ZSCAN4: variants seen among roughly 807,000 people sequenced by gnomAD.
The protein encoded by ZSCAN4 is zinc finger and SCAN domain-containing protein 4.
Under a neutral mutation model 18.3 loss-of-function variants are expected in ZSCAN4, and 18 were observed. That is an observed-to-expected ratio of 0.98 (90% confidence interval 0.68 to 1.46). The LOEUF (loss-of-function observed/expected upper bound fraction) is 1.46. Ranked by LOEUF, ZSCAN4 falls within the 40% of genes most tolerant of loss-of-function variation. The pLI is 0.00. For missense variants in ZSCAN4, 498 were observed against 511.4 expected (o/e 0.97, Z 0.25); for synonymous variants, 193 against 180.3 (o/e 1.07, Z -0.57).
At chr19:57,659,865 G>T in the ZSCAN4 span, among the ~76,000 whole-genome samples, 2 of 152,004 alleles carry the variant, frequency 1.3e-5, no homozygotes, top group African/African-American at 4.8e-5. Context: ...CCTACATAGG[G>T]TGCTCCTCAG....
upstream of ZSCAN4, among the ~76,000 whole-genome samples, chr19:57,668,003 G>C (rs1212100945): frequency 6.6e-6 from 1 of 152,112 alleles, no homozygotes; most frequent in Non-Finnish European, 1.5e-5. Context: ...CCAGGTTCAA[G>C]TGATTCTCCT....
chr19:57,656,083 C>G, the ZSCAN4 span, among the ~76,000 whole-genome samples: 23,105 of 152,066 alleles, frequency 0.15, 3,051 homozygotes, highest in African/African-American at 0.35. Context: ...CAGGAAAGAG[C>G]TTTTCTTAGT....
the ZSCAN4 span, among the ~76,000 whole-genome samples, chr19:57,663,520 TAAAAAAAAAAAAAA>T: frequency 6.0e-5 from 4 of 66,548 alleles, no homozygotes; most frequent in Non-Finnish European, 1.0e-4. Context: ...ACCATGTCTC[TAAAAAAAAAAAAAA>T]AAAAAAAAAA....
At chr19:57,667,619 A>G (rs1983890698), upstream of ZSCAN4, among the ~76,000 whole-genome samples, 2 of 152,204 alleles carry the variant, frequency 1.3e-5, no homozygotes, top group South Asian at 4.1e-4. Flanking sequence ...TCTTACTGAT[A>G]TCATCGTGCC....
At chr19:57,669,513 C>T (rs534510050) in intron 1 of ZSCAN4, among the ~76,000 whole-genome samples, 77 of 151,964 alleles carry the variant, frequency 5.1e-4, no homozygotes, top group Non-Finnish European at 6.9e-4. Context: ...CTGCAACCTC[C>T]GCCTCTGTGG....
the ZSCAN4 span, among the ~76,000 whole-genome samples, chr19:57,652,658 A>T: frequency 6.6e-6 from 1 of 151,246 alleles, no homozygotes; most frequent in Non-Finnish European, 1.5e-5. Flanking sequence ...TCCACTGCAT[A>T]CACAGTCCTG....
chr19:57,663,882 T>C, the ZSCAN4 span, among the ~76,000 whole-genome samples: 3 of 152,128 alleles, frequency 2.0e-5, no homozygotes, highest in Non-Finnish European at 4.4e-5. Context: ...ATCCCACCAC[T>C]GTGGGAGGCC....
chr19:57,663,615 G>A, the ZSCAN4 span, among the ~76,000 whole-genome samples: 1 of 150,208 alleles, frequency 6.7e-6, no homozygotes, highest in South Asian at 2.1e-4. Context: ...GCTGAGGTGG[G>A]AGGATTTCTT....
At chr19:57,661,408 G>A in the ZSCAN4 span, among the ~76,000 whole-genome samples, 9 of 152,048 alleles carry the variant, frequency 5.9e-5, no homozygotes, top group South Asian at 4.2e-4. Context: ...TTCATGTAAC[G>A]TGCTAATCAG....
intron 1 of ZSCAN4, among the ~76,000 whole-genome samples, chr19:57,669,702 G>A (rs1306121134): frequency 2.6e-5 from 4 of 151,084 alleles, no homozygotes; most frequent in African/African-American, 9.8e-5. Context: ...TGGGATTACA[G>A]GCATGGTTTT....
the ZSCAN4 span, among the ~76,000 whole-genome samples, chr19:57,656,909 C>T: frequency 3.3e-5 from 5 of 152,042 alleles, no homozygotes; most frequent in Admixed American, 3.3e-4. Flanking sequence ...ATCACTGATT[C>T]CAGGGAGGTC....
chr19:57,672,933 T>G (rs1984065131), intron 2 of ZSCAN4, among the ~76,000 whole-genome samples: 1 of 152,036 alleles, frequency 6.6e-6, no homozygotes, highest in East Asian at 1.9e-4. Flanking sequence ...TCTAGCAAAT[T>G]TCAAGCATAC....
At chr19:57,663,755 T>C in the ZSCAN4 span, among the ~76,000 whole-genome samples, 1 of 151,736 alleles carries the variant, frequency 6.6e-6, no homozygotes, top group East Asian at 1.9e-4. Flanking sequence ...TTATCTTTAT[T>C]GAACAAATCC....
chr19:57,676,398 T>A, exon 3 of ZSCAN4: 1 of 1,614,182 alleles, frequency 6.2e-7, no homozygotes, highest in Non-Finnish European at 8.5e-7. Flanking sequence ...TGAAATTATT[T>A]CTCTATTAGT....
intron 1 of ZSCAN4, among the ~76,000 whole-genome samples, chr19:57,669,585 C>T (rs1326383415): frequency 6.6e-6 from 1 of 151,936 alleles, no homozygotes; most frequent in Non-Finnish European, 1.5e-5. Flanking sequence ...CGCCACTACG[C>T]CTGGCTAATT....
intron 2 of ZSCAN4, among the ~76,000 whole-genome samples, chr19:57,674,376 A>T (rs1376810563): frequency 6.6e-6 from 1 of 152,130 alleles, no homozygotes; most frequent in Non-Finnish European, 1.5e-5. Context: ...CCTTATGTCC[A>T]TGTGTACCCA....
At chr19:57,659,958 G>A in the ZSCAN4 span, among the ~76,000 whole-genome samples, 1 of 152,082 alleles carries the variant, frequency 6.6e-6, no homozygotes, top group South Asian at 2.1e-4. Flanking sequence ...AATGTTCTTC[G>A]CAAATAACCT....
chr19:57,678,684 A>C (rs1271610578), exon 5 of ZSCAN4: 1 of 1,614,174 alleles, frequency 6.2e-7, no homozygotes, highest in Non-Finnish European at 8.5e-7. Flanking sequence ...GCATCAGATA[A>C]TTCACACAGG....
the ZSCAN4 span, among the ~76,000 whole-genome samples, chr19:57,657,947 T>A: frequency 6.6e-6 from 1 of 152,214 alleles, no homozygotes; most frequent in Non-Finnish European, 1.5e-5. Flanking sequence ...AAAAAAGGTC[T>A]GTGCATGTTC....
Sources: gnomAD v4.1 joint callset for allele counts (sites outside exome capture counted in the v4.1 genomes callset) on GRCh38, gnomAD v4.1.1 for gene constraint, MANE v1.5 for transcripts, NCBI Gene and HGNC (gene_info 2026-07-23, HGNC 2026-07-21) for gene names.